Variants in TLN2 observed in about 807,000 individuals in gnomAD.
TLN2 encodes the protein talin 2, also known as talin-2.
In TLN2, 118 loss-of-function variants were observed where a neutral mutation model predicts 294.7. The ratio of observed to expected loss-of-function variants is 0.40; its 90% CI spans 0.34 to 0.47. The LOEUF (loss-of-function observed/expected upper bound fraction) is 0.47, where lower values mean the gene tolerates loss of function less well. TLN2 is among the 20% of genes least tolerant of loss of function. TLN2 has a pLI of 0.84. For missense variants in TLN2, 3,083 were observed against 3,282.2 expected, an observed-to-expected ratio of 0.94 and a Z score of 1.48; for synonymous variants, 1,431 against 1,304.5, an observed-to-expected ratio of 1.10 and a Z score of -2.09.
intron 33 of TLN2, 45 bp downstream of exon 33, chr15:62,748,489 C>A: frequency 7.1e-7 from 1 of 1,417,014 alleles, no homozygotes; most frequent in Non-Finnish European, 1.0e-6. Flanking sequence ...GAGGGAGTGT[C>A]TGTGTCTGTG....
intron 3 of TLN2, among the ~76,000 whole-genome samples, chr15:62,643,902 G>A (rs947832496): frequency 6.6e-6 from 1 of 152,152 alleles, no homozygotes; most frequent in African/African-American, 2.4e-5. Context: ...GCACTTAGCT[G>A]TCCTGGGACT....
At chr15:62,664,813 T>G (rs1381861161) in intron 9 of TLN2, among the ~76,000 whole-genome samples, 1 of 129,314 alleles carries the variant, frequency 7.7e-6, no homozygotes, top group Admixed American at 9.1e-5. Flanking sequence ...AGCTGAGATA[T>G]GCATCATTGT....
In TLN2 at chr15:62,675,414, AC is replaced by A. The variant is rs1215757277; in HGVS notation, c.957+99del. ...CTGTTAAGCCTGGTTTGTCCTGCTC[AC>A]CCCCCTAGCATTTGCGGGTGGAACA... is the stretch of plus-strand genomic sequence containing the variant. On this transcript the variant is annotated intron_variant, in intron 11 of 58. Transcript: ENST00000636159. The A allele has an allele frequency of 9.6e-5, 123 of 1,286,632 alleles. No individual in the cohort carries two copies. The East Asian group carries it at 2.8e-3, about 30-fold the overall frequency. The allele number at this position is 1,286,632 out of a possible 1,614,324, so 79.7% of individuals were successfully genotyped here.
intron 41 of TLN2, 119 bp downstream of exon 41, chr15:62,766,541 A>G: frequency 1.1e-6 from 1 of 893,332 alleles, no homozygotes; most frequent in Non-Finnish European, 1.7e-6. Flanking sequence ...GCCTGAGTCC[A>G]ATGCTCGTTT....
At chr15:62,663,269 A>G (rs942620639) in intron 9 of TLN2, among the ~76,000 whole-genome samples, 4 of 152,218 alleles carry the variant, frequency 2.6e-5, no homozygotes, top group Non-Finnish European at 5.9e-5. Context: ...AAATAAAATA[A>G]TCTTGATGAC....
intron 1 of TLN2, among the ~76,000 whole-genome samples, chr15:62,521,770 A>G (rs2040470861): frequency 6.6e-6 from 1 of 152,104 alleles, no homozygotes; most frequent in Admixed American, 6.6e-5. Context: ...GCAAACGGAC[A>G]TTTTCCGCAT....
chr15:62,596,847 G>A (rs1428814926), intron 2 of TLN2, among the ~76,000 whole-genome samples: 2 of 152,134 alleles, frequency 1.3e-5, no homozygotes, highest in East Asian at 1.9e-4. Flanking sequence ...AAAAGCAACA[G>A]CATCTTGCCT....
intron 45 of TLN2, among the ~76,000 whole-genome samples, chr15:62,786,284 C>T (rs558968064): frequency 3.9e-5 from 6 of 152,322 alleles, no homozygotes; most frequent in South Asian, 4.1e-4. Flanking sequence ...CTGCTCCCTT[C>T]GCTGCAGTCC....
At chr15:62,828,762 C>G (rs1223901383) in intron 54 of TLN2, 1 of 152,250 alleles carries the variant, frequency 6.6e-6, no homozygotes, top group East Asian at 1.9e-4. Flanking sequence ...TGGCTGAACT[C>G]TGGAACTTGG....
intron 3 of TLN2, chr15:62,644,826 ATC>A (rs1439172981): frequency 3.0e-6 from 1 of 332,858 alleles, no homozygotes; most frequent in Non-Finnish European, 5.9e-6. Context: ...CTTCAGTGGA[ATC>A]TCTCTCTGCA....
chr15:62,747,877 T>C (rs1274679611), intron 32 of TLN2, among the ~76,000 whole-genome samples: 1 of 152,196 alleles, frequency 6.6e-6, no homozygotes, highest in Admixed American at 6.5e-5. Context: ...TAAGAGAAAA[T>C]GTACTTTTCA....
At chr15:62,635,298 A>C (rs1418884150) in intron 3 of TLN2, among the ~76,000 whole-genome samples, 1 of 152,046 alleles carries the variant, frequency 6.6e-6, no homozygotes, top group African/African-American at 2.4e-5. Context: ...AGAGGTTTCA[A>C]AAAAAAATCC....
chr15:62,790,879 A>G (rs891665354), intron 45 of TLN2, among the ~76,000 whole-genome samples: 36 of 152,190 alleles, frequency 2.4e-4, no homozygotes, highest in African/African-American at 7.7e-4. Flanking sequence ...ACCAGTCCAG[A>G]TCTGTTTGCA....
chr15:62,781,922 A>C (rs369866702), intron 44 of TLN2, among the ~76,000 whole-genome samples: 30 of 152,230 alleles, frequency 2.0e-4, no homozygotes, highest in African/African-American at 7.0e-4. Context: ...AGTGAATGCT[A>C]TCTGATATGT....
At chr15:62,758,778 A>T in intron 37 of TLN2, 1 of 152,250 alleles carries the variant, frequency 6.6e-6, no homozygotes, top group East Asian at 1.9e-4. Flanking sequence ...GTCTAAGGTC[A>T]GCAGGAGAGA....
intron 1 of TLN2, among the ~76,000 whole-genome samples, chr15:62,529,219 G>T (rs1240052009): frequency 6.6e-6 from 1 of 151,836 alleles, no homozygotes; most frequent in Non-Finnish European, 1.5e-5. Context: ...TCAGCATCCT[G>T]AGTAGCTGGG....
rs756778889 is a variant in TLN2 at position 62,442,492 on chromosome 15, C to CAAAAA, written c.-238+51808_-238+51809insAAAAA. Among the ~76,000 whole-genome samples, 3 of 65,554 alleles carry CAAAAA rather than the reference C, an allele frequency of 4.6e-5. 1 individual carries two copies. The highest frequency in any genetic ancestry group is 5.2e-5 in the African/African-American group (1 of 19,176). 43.0% of individuals were successfully genotyped at this position (65,554 alleles called of 152,430 possible). A position where few individuals can be genotyped will look rare whatever the true frequency, so the allele number is the denominator to read the frequency against. ...TGGGGCACAGAGTGAGACTCTGTCT[C>CAAAAA]AGAAAAAAAAAAAAAAAAAAAAAAA... On this transcript the variant is annotated intron_variant, in intron 1 of 58. Transcript: ENST00000636159.
intron 54 of TLN2, chr15:62,828,112 G>C (rs560957305): frequency 9.2e-5 from 14 of 152,440 alleles, no homozygotes; most frequent in African/African-American, 3.4e-4. Context: ...GGAAACAGGG[G>C]AAGGGAGCCA....
chr15:62,446,531 A>G (rs182565882), intron 1 of TLN2, among the ~76,000 whole-genome samples: 6 of 152,312 alleles, frequency 3.9e-5, no homozygotes, highest in Non-Finnish European at 7.3e-5. Flanking sequence ...TTAGCTAGTG[A>G]GTCAGACGAC....
Sources: gnomAD v4.1 joint callset for allele counts (sites outside exome capture counted in the v4.1 genomes callset) on GRCh38, gnomAD v4.1.1 for gene constraint, MANE v1.5 for transcripts, NCBI Gene and HGNC (gene_info 2026-07-23, HGNC 2026-07-21) for gene names.